Variants in NEMP2 observed in about 807,000 individuals in gnomAD.
NEMP2 encodes UPF0571 transmembrane protein.
Under a neutral mutation model 54.2 loss-of-function variants are expected in NEMP2, and 53 were observed. The ratio of observed to expected loss-of-function variants is 0.98; its 90% CI spans 0.78 to 1.23. The LOEUF is 1.23. NEMP2 is among the 50% of genes most tolerant of loss of function. The pLI is 0.00. For missense variants in NEMP2, 455 were observed against 511.3 expected, an observed-to-expected ratio of 0.89 and a Z score of 1.06; for synonymous variants, 197 against 190.3, an observed-to-expected ratio of 1.04 and a Z score of -0.29.
At chr2:190,624,152 T>C in the NEMP2 span, among the ~76,000 whole-genome samples, 3 of 152,002 alleles carry the variant, frequency 2.0e-5, no homozygotes, top group Non-Finnish European at 4.4e-5. Context: ...CCCAAATAGA[T>C]ATTTCTCAAA....
the NEMP2 span, among the ~76,000 whole-genome samples, chr2:190,432,320 C>A: frequency 2.5e-3 from 380 of 152,328 alleles, 3 homozygotes; most frequent in African/African-American, 8.6e-3. Context: ...GGCTCAGAAT[C>A]CAGGATGTGT....
the NEMP2 span, among the ~76,000 whole-genome samples, chr2:190,541,827 AT>A: frequency 1.2e-4 from 18 of 151,708 alleles, no homozygotes; most frequent in East Asian, 2.5e-3. The surrounding 1 kb of genome is among the most constrained non-coding windows in gnomAD (Gnocchi z 5.2). Flanking sequence ...TCTTCTCTAT[AT>A]TTGAAAGATA....
the NEMP2 span, among the ~76,000 whole-genome samples, chr2:190,468,559 C>T: frequency 6.6e-6 from 1 of 150,866 alleles, no homozygotes; most frequent in Non-Finnish European, 1.5e-5. Context: ...CTCAAGCAGT[C>T]CTCCTACCTC....
the NEMP2 span, among the ~76,000 whole-genome samples, chr2:190,629,542 A>G: frequency 6.6e-6 from 1 of 152,204 alleles, no homozygotes; most frequent in African/African-American, 2.4e-5. Flanking sequence ...TATTGGGACA[A>G]TGCCCCCCAA....
chr2:190,520,668 C>T lies in NEMP2; in HGVS notation c.214-1485G>A, dbSNP rs1201725651. On this transcript the variant is annotated intron_variant, in intron 2 of 8. Transcript: ENST00000409150. This position sits in a 1 kb window ranked among gnomAD's most constrained non-coding sequence, Gnocchi z 5.4. Reference sequence around the variant, plus strand: ...CTTCCAGTATCCTGACCTCTCAGTTCCTGGGACTCCTTTCCTCTTATGCTC... The same window carrying T: ...CTTCCAGTATCCTGACCTCTCAGTTTCTGGGACTCCTTTCCTCTTATGCTC... 6.6e-6 allele frequency among the ~76,000 whole-genome samples: 1 copy of T among 152,200 alleles called. No individual in the cohort carries two copies. The highest frequency in any genetic ancestry group is 2.4e-5 in the African/African-American group (1 of 41,452).
chr2:190,565,082 C>T, the NEMP2 span, among the ~76,000 whole-genome samples: 1 of 152,120 alleles, frequency 6.6e-6, no homozygotes, highest in Non-Finnish European at 1.5e-5. Context: ...ATGTATGGAA[C>T]AGTCAACTAC....
chr2:190,488,570 G>A, the NEMP2 span: 1 of 1,163,870 alleles, frequency 8.6e-7, no homozygotes, highest in South Asian at 2.8e-5. The surrounding 1 kb of genome is among the most constrained non-coding windows in gnomAD (Gnocchi z 6.4). Context: ...TTAAAAATAG[G>A]TGCCTAGTTA....
chr2:190,478,257 A>G, the NEMP2 span, among the ~76,000 whole-genome samples: 3 of 152,178 alleles, frequency 2.0e-5, no homozygotes, highest in Non-Finnish European at 2.9e-5. Flanking sequence ...GAGGATCTGT[A>G]AATACAGCCT....
At chr2:190,577,646 C>G in the NEMP2 span, among the ~76,000 whole-genome samples, 3 of 152,238 alleles carry the variant, frequency 2.0e-5, no homozygotes, top group Admixed American at 2.0e-4. This position sits in a 1 kb window ranked among gnomAD's most constrained non-coding sequence, Gnocchi z 4.8. Flanking sequence ...GAGGCTGAGG[C>G]GGGCAGATCA....
At chr2:190,539,980 A>G in the NEMP2 span, among the ~76,000 whole-genome samples, 5 of 152,192 alleles carry the variant, frequency 3.3e-5, no homozygotes, top group African/African-American at 1.2e-4. The surrounding 1 kb of genome is among the most constrained non-coding windows in gnomAD (Gnocchi z 4.1). Context: ...GTGAAAGTGG[A>G]CATCCTTGTC....
chr2:190,643,023 G>GTTTTTTTTTTTTT, the NEMP2 span, among the ~76,000 whole-genome samples: 5 of 79,566 alleles, frequency 6.3e-5, 2 homozygotes, highest in Admixed American at 1.7e-4. Flanking sequence ...AATGGTTAAG[G>GTTTTTTTTTTTTT]TTTTTTTTTT....
chr2:190,422,928 C>A, the NEMP2 span, among the ~76,000 whole-genome samples: 5 of 151,496 alleles, frequency 3.3e-5, no homozygotes, highest in Non-Finnish European at 5.9e-5. Context: ...TTGTAGAATA[C>A]TGTAGTTCAG....
chr2:190,431,527 AC>A, the NEMP2 span, among the ~76,000 whole-genome samples: 24 of 152,232 alleles, frequency 1.6e-4, no homozygotes, highest in Middle Eastern at 3.4e-3. This position sits in a 1 kb window ranked among gnomAD's most constrained non-coding sequence, Gnocchi z 4.4. Context: ...ACACAGCGAA[AC>A]CCCGTCTCCA....
chr2:190,622,176 G>A, the NEMP2 span, among the ~76,000 whole-genome samples: 1 of 152,074 alleles, frequency 6.6e-6, no homozygotes, highest in African/African-American at 2.4e-5. Context: ...GCTGATGTTG[G>A]GGGATCACTT....
the NEMP2 span, among the ~76,000 whole-genome samples, chr2:190,467,642 C>T: frequency 7.2e-5 from 11 of 152,132 alleles, no homozygotes; most frequent in Middle Eastern, 3.4e-3. This position sits in a 1 kb window ranked among gnomAD's most constrained non-coding sequence, Gnocchi z 5.5. Context: ...AGGAGCGAGG[C>T]CAGGTCAGTG....
chr2:190,548,645 C>A, the NEMP2 span, among the ~76,000 whole-genome samples: 2 of 152,176 alleles, frequency 1.3e-5, no homozygotes, highest in African/African-American at 4.8e-5. Context: ...ATGAGAGAAT[C>A]TTGTTAAAAT....
chr2:190,612,754 ACT>A, the NEMP2 span, among the ~76,000 whole-genome samples: 1 of 151,032 alleles, frequency 6.6e-6, no homozygotes, highest in Non-Finnish European at 1.5e-5. Flanking sequence ...AGACTTTAAA[ACT>A]CTCTTTATTT....
the NEMP2 span, among the ~76,000 whole-genome samples, chr2:190,627,374 T>C: frequency 1.3e-5 from 2 of 152,380 alleles, no homozygotes; most frequent in African/African-American, 4.8e-5. The surrounding 1 kb of genome is among the most constrained non-coding windows in gnomAD (Gnocchi z 4.4). Flanking sequence ...TCCAGATTTC[T>C]TTCATTTCTG....
At chr2:190,606,147 A>C in the NEMP2 span, among the ~76,000 whole-genome samples, 2 of 152,186 alleles carry the variant, frequency 1.3e-5, no homozygotes, top group Non-Finnish European at 2.9e-5. Flanking sequence ...GGAAGATTAC[A>C]GTTTGTCTTT....
Sources: allele counts gnomAD v4.1 joint callset (sites outside exome capture counted in the v4.1 genomes callset), GRCh38; gene constraint gnomAD v4.1.1; non-coding constraint Gnocchi (gnomAD v3.1); transcripts MANE v1.5; gene names NCBI Gene and HGNC (gene_info 2026-07-23, HGNC 2026-07-21).